Variants in FAM135B observed in about 807,000 individuals in gnomAD.
The protein encoded by FAM135B is family with sequence similarity 135 member B, also known as protein FAM135B.
FAM135B carries 43 observed loss-of-function variants against 127.7 expected under a neutral mutation model. The ratio of observed to expected loss-of-function variants is 0.34; its 90% CI spans 0.26 to 0.43. FAM135B has a LOEUF of 0.43. FAM135B is among the 20% of genes least tolerant of loss of function. The probability of loss-of-function intolerance (pLI) is 1.00; values close to 1 mark genes in which losing one functional copy is unlikely to be tolerated. For synonymous variants in FAM135B, 670 were observed against 665.1 expected, an observed-to-expected ratio of 1.01 and a Z score of -0.11; for missense variants, 1,558 against 1,725.6, an observed-to-expected ratio of 0.90 and a Z score of 1.72.
intron 1 of FAM135B, among the ~76,000 whole-genome samples, chr8:138,464,415 CA>C (rs1212004185): frequency 6.6e-6 from 1 of 152,146 alleles, no homozygotes; most frequent in Non-Finnish European, 1.5e-5. Flanking sequence ...CAACACATGG[CA>C]CAGGATGCCA....
intron 3 of FAM135B, among the ~76,000 whole-genome samples, 178 bp downstream of exon 3, chr8:138,310,663 T>C (rs143387085): frequency 5.1e-4 from 77 of 152,356 alleles, no homozygotes; most frequent in African/African-American, 1.6e-3. Flanking sequence ...CTTGCCACAA[T>C]GTACACATAT....
intron 1 of FAM135B, among the ~76,000 whole-genome samples, chr8:138,445,870 G>C (rs955328238): frequency 5.3e-5 from 8 of 152,136 alleles, no homozygotes; most frequent in Non-Finnish European, 8.8e-5. Context: ...AATTATCCCT[G>C]TTTGCAGATG....
At chr8:138,461,728 C>T (rs751690751) in intron 1 of FAM135B, among the ~76,000 whole-genome samples, 7 of 152,140 alleles carry the variant, frequency 4.6e-5, no homozygotes, top group Non-Finnish European at 7.4e-5. Context: ...CATCCTAGGA[C>T]CTCACAGACA....
chr8:138,238,086 T>C (rs571439552), intron 7 of FAM135B, among the ~76,000 whole-genome samples: 63 of 152,202 alleles, frequency 4.1e-4, no homozygotes, highest in African/African-American at 1.4e-3. Context: ...GAAGGGTAGG[T>C]GCCTGGCCCA....
intron 3 of FAM135B, among the ~76,000 whole-genome samples, chr8:138,310,014 G>A (rs192403884): frequency 5.3e-5 from 8 of 151,958 alleles, no homozygotes; most frequent in Non-Finnish European, 7.4e-5. Flanking sequence ...GATTGCAGGC[G>A]CCCGCCACCA....
chr8:138,485,875 G>T (rs997933274), intron 1 of FAM135B, among the ~76,000 whole-genome samples: 1 of 152,124 alleles, frequency 6.6e-6, no homozygotes, highest in Non-Finnish European at 1.5e-5. Context: ...AGATCATCTG[G>T]AATGCAAAAC....
intron 1 of FAM135B, among the ~76,000 whole-genome samples, chr8:138,397,397 T>C (rs1204220089): frequency 6.6e-6 from 1 of 152,166 alleles, no homozygotes; most frequent in Non-Finnish European, 1.5e-5. Context: ...TTTAGAGTGA[T>C]AAAAATGTCT....
Position 138,458,470 on chromosome 8 carries a change from T to C in FAM135B, c.-20+38201A>G, listed in dbSNP as rs546893194. The stretch of plus-strand genomic sequence containing the variant: ...TGAAATAAGATGGTCAAGGTTGCTA[T>C]GGGGAAGAAGGAGCAGAGTAGAAAG... On this transcript the variant is annotated intron_variant, in intron 1 of 19. Transcript: ENST00000395297. 2.6e-5 allele frequency among the ~76,000 whole-genome samples: 4 copies of C among 152,256 alleles called. No individual in the cohort carries two copies. In the East Asian group the frequency reaches 7.7e-4, roughly 29 times the overall value.
intron 3 of FAM135B, among the ~76,000 whole-genome samples, chr8:138,287,378 AAATAAATAT>A (rs1563859147): frequency 2.0e-5 from 3 of 152,082 alleles, no homozygotes; most frequent in African/African-American, 4.8e-5. Flanking sequence ...TGGTTTCAAT[AAATAAATAT>A]TTCCATAAAC....
chr8:138,206,125 G>A, intron 7 of FAM135B, among the ~76,000 whole-genome samples: 1 of 134,174 alleles, frequency 7.5e-6, no homozygotes, highest in African/African-American at 2.7e-5. Flanking sequence ...CCTACACACA[G>A]GCCAGCAGCA....
intron 1 of FAM135B, among the ~76,000 whole-genome samples, chr8:138,424,109 T>C (rs1411416779): frequency 6.6e-6 from 1 of 152,144 alleles, no homozygotes; most frequent in Non-Finnish European, 1.5e-5. Flanking sequence ...TACAAACAAT[T>C]TGTGCAGTTA....
At chr8:138,154,622 A>G (rs1818526256) in intron 12 of FAM135B, among the ~76,000 whole-genome samples, 2 of 152,266 alleles carry the variant, frequency 1.3e-5, no homozygotes, top group South Asian at 2.1e-4. Flanking sequence ...GCTGAAAACC[A>G]TGGCATGAGA....
At chr8:138,239,426 GT>G (rs1240687101) in intron 7 of FAM135B, among the ~76,000 whole-genome samples, 1 of 151,632 alleles carries the variant, frequency 6.6e-6, no homozygotes, top group Non-Finnish European at 1.5e-5. Flanking sequence ...TTGTAAATTT[GT>G]TTGAGTTCTT....
At position 138,183,561 on chromosome 8, in the gene FAM135B, C is replaced by G. The variant is rs1815276346; in HGVS notation, c.874-4871G>C. Among the ~76,000 whole-genome samples, 2 of 152,224 alleles carry G rather than the reference C, an allele frequency of 1.3e-5. 1 individual carries two copies. Among genetic ancestry groups the G allele is most frequent in the Non-Finnish European group, 2.9e-5 (2 of 68,042 alleles). ...CTGCAAACTTTGCATGTATCAGACTCTTTAAACTCACAGGATATACCTGGA... is the reference window on the plus strand; with the variant it reads ...CTGCAAACTTTGCATGTATCAGACTGTTTAAACTCACAGGATATACCTGGA... On this transcript the variant is annotated intron_variant, in intron 9 of 19. Coordinates refer to ENST00000395297, the MANE Select transcript of FAM135B (RefSeq NM_015912.4).
intron 7 of FAM135B, among the ~76,000 whole-genome samples, chr8:138,220,772 T>C (rs1444234215): frequency 2.6e-5 from 4 of 152,184 alleles, no homozygotes; most frequent in Non-Finnish European, 5.9e-5. Context: ...TTTCATCTCA[T>C]GGTTTATAAG....
In FAM135B at chr8:138,132,820, C is replaced by T. The variant is rs767528964; in HGVS notation, c.4016-22G>A. 2.5e-6 allele frequency: 4 copies of T among 1,608,664 alleles called. No homozygotes were observed. The East Asian group carries it at 6.7e-5, about 27-fold the overall frequency. On this transcript the variant is annotated intron_variant, in intron 19 of 19. Transcript: ENST00000395297. This position sits in a 1 kb window ranked among gnomAD's most constrained non-coding sequence, Gnocchi z 4.5. ...GGCCCTGTAAAGTGGGGAAGAAGGACATGAAGCTGGTGCAGAAATTAGCAG... is the reference window on the plus strand; with the variant it reads ...GGCCCTGTAAAGTGGGGAAGAAGGATATGAAGCTGGTGCAGAAATTAGCAG...
chr8:138,376,608 C>A (rs1367091207), intron 1 of FAM135B, among the ~76,000 whole-genome samples: 1 of 152,210 alleles, frequency 6.6e-6, no homozygotes, highest in South Asian at 2.1e-4. Context: ...TCCTCCCTCC[C>A]ATGCCAAAAC....
chr8:138,139,140 A>C, intron 17 of FAM135B, 44 bp from the exon 18 acceptor site: 1 of 1,212,386 alleles, frequency 8.2e-7, no homozygotes, highest in Non-Finnish European at 1.2e-6. Context: ...CACAAAACAA[A>C]ACAAAAACTA....
Position 138,386,253 on chromosome 8 carries a change from A to C in FAM135B, c.-19-18251T>G, listed in dbSNP as rs539245112. Among the ~76,000 whole-genome samples, 18 of 152,184 alleles carry C rather than the reference A, an allele frequency of 1.2e-4. No individual in the cohort carries two copies. In the South Asian group the frequency reaches 3.5e-3, roughly 30 times the overall value. On this transcript the variant is annotated intron_variant, in intron 1 of 19. Transcript: ENST00000395297. The stretch of plus-strand genomic sequence containing the variant: ...AAAAAAAACAAAAACAAAAACCAAC[A>C]AACAAACAACCAAACAACAACCTAA...
Sources: allele counts gnomAD v4.1 joint callset (sites outside exome capture counted in the v4.1 genomes callset), GRCh38; gene constraint gnomAD v4.1.1; non-coding constraint Gnocchi (gnomAD v3.1); transcripts MANE v1.5; gene names NCBI Gene and HGNC (gene_info 2026-07-23, HGNC 2026-07-21).